Variants in PCDH15 observed in about 807,000 individuals in gnomAD.
PCDH15 encodes protocadherin-15.
PCDH15 carries 129 observed loss-of-function variants against 178.5 expected under a neutral mutation model. The observed-to-expected ratio is 0.72, with a 90% CI of 0.63 to 0.84. The LOEUF (loss-of-function observed/expected upper bound fraction) is 0.84. Ranked by LOEUF, PCDH15 falls within the 40% of genes least tolerant of loss-of-function variation. PCDH15 has a pLI of 0.00. For missense variants in PCDH15, 2,230 were observed against 2,099.9 expected (o/e 1.06, Z -1.21); for synonymous variants, 800 against 732.0 (o/e 1.09, Z -1.50).
At chr10:55,052,090 ATT>A (rs760975471) in intron 2 of PCDH15, among the ~76,000 whole-genome samples, 10 of 142,400 alleles carry the variant, frequency 7.0e-5, no homozygotes, top group Admixed American at 1.4e-4. Flanking sequence ...AATCGATACG[ATT>A]TTTTTTTTTT....
chr10:55,130,680 CGTGTGTGTGTGTGT>C lies in PCDH15; in HGVS notation c.-80+35882_-80+35895del, dbSNP rs72055158. Among the ~76,000 whole-genome samples, 299 of 146,332 alleles carry C rather than the reference CGTGTGTGTGTGTGT, an allele frequency of 2.0e-3. 1 individual carries two copies. Among genetic ancestry groups the C allele is most frequent in the East Asian group, 6.9e-3 (33 of 4,812 alleles). Reference sequence around the variant, plus strand: ...CTTAACATGTATAAACACACATACACGTGTGTGTGTGTGTGTGTGTGTGTGTGTGTGTGTGTGTG... The same window carrying C: ...CTTAACATGTATAAACACACATACACGTGTGTGTGTGTGTGTGTGTGTGTG... On this transcript the variant is annotated intron_variant, in intron 2 of 5. Coordinates refer to the PCDH15 transcript ENST00000458638.
intron 2 of PCDH15, among the ~76,000 whole-genome samples, chr10:54,920,071 C>T (rs967338882): frequency 1.3e-5 from 2 of 152,144 alleles, no homozygotes; most frequent in African/African-American, 4.8e-5. Flanking sequence ...CTATACTCCT[C>T]TCGTTTTGAG....
intron 2 of PCDH15, among the ~76,000 whole-genome samples, chr10:55,043,737 A>C (rs1159413094): frequency 6.9e-6 from 1 of 144,670 alleles, no homozygotes; most frequent in Admixed American, 6.8e-5. Context: ...TAAATAAATA[A>C]ATAAAATAAA....
At chr10:55,392,275 G>A (rs1309515010) in intron 2 of PCDH15, among the ~76,000 whole-genome samples, 3 of 152,210 alleles carry the variant, frequency 2.0e-5, no homozygotes, top group Non-Finnish European at 4.4e-5. Context: ...GGTGGTGATA[G>A]ACTTGCTAAA....
intron 2 of PCDH15, among the ~76,000 whole-genome samples, chr10:54,932,493 C>T (rs887079775): frequency 1.3e-5 from 2 of 152,052 alleles, no homozygotes; most frequent in Non-Finnish European, 2.9e-5. Context: ...TTATAATATG[C>T]TAAGGTTAAT....
intron 25 of PCDH15, among the ~76,000 whole-genome samples, chr10:53,922,815 G>A (rs983906698): frequency 1.3e-5 from 2 of 152,146 alleles, no homozygotes; most frequent in African/African-American, 4.8e-5. Flanking sequence ...GGTCAGGTGT[G>A]GTGGCTCGTG....
intron 21 of PCDH15, among the ~76,000 whole-genome samples, chr10:53,971,063 G>C (rs2089630545): frequency 6.6e-6 from 1 of 152,108 alleles, no homozygotes; most frequent in South Asian, 2.1e-4. Context: ...ACCAAATCCA[G>C]CAGCACATCA....
chr10:54,800,886 AT>A (rs1346286894), intron 1 of PCDH15, 38 bp downstream of exon 1: 1 of 152,176 alleles, frequency 6.6e-6, no homozygotes, highest in East Asian at 1.9e-4. Context: ...GCTGCCTTAA[AT>A]TTGAAAAAAA....
intron 3 of PCDH15, among the ~76,000 whole-genome samples, chr10:54,815,223 A>C (rs1952929924): frequency 1.3e-5 from 2 of 152,068 alleles, no homozygotes; most frequent in South Asian, 4.1e-4. Context: ...TTAAGAAAAA[A>C]GTATGGCATG....
intron 26 of PCDH15, among the ~76,000 whole-genome samples, chr10:53,870,887 C>T (rs1230810822): frequency 6.6e-6 from 1 of 152,110 alleles, no homozygotes; most frequent in Non-Finnish European, 1.5e-5. Flanking sequence ...AGTTTTAAAT[C>T]TGGGTCAATA....
chr10:54,917,150 T>A (rs1378273434), intron 2 of PCDH15, among the ~76,000 whole-genome samples: 1 of 152,170 alleles, frequency 6.6e-6, no homozygotes, highest in African/African-American at 2.4e-5. Flanking sequence ...AAAATGCATT[T>A]GGCTAGAACA....
intron 3 of PCDH15, among the ~76,000 whole-genome samples, chr10:54,519,548 C>T (rs1254014361): frequency 6.6e-6 from 1 of 152,024 alleles, no homozygotes; most frequent in African/African-American, 2.4e-5. Flanking sequence ...AACCACTGCT[C>T]AATGAAATAA....
chr10:55,170,006 AGG>A (rs1839289736), intron 1 of PCDH15, among the ~76,000 whole-genome samples: 1 of 152,036 alleles, frequency 6.6e-6, no homozygotes, highest in Non-Finnish European at 1.5e-5. Context: ...GAAGGAAGGA[AGG>A]AAAGGAGGAG....
intron 8 of PCDH15, among the ~76,000 whole-genome samples, chr10:54,272,015 T>C (rs1276494515): frequency 1.4e-5 from 2 of 144,034 alleles, no homozygotes; most frequent in East Asian, 3.9e-4. Flanking sequence ...ATATCATATA[T>C]ATATATTTTA....
chr10:54,280,819 CTATAAA>C (rs1377781905), intron 8 of PCDH15, among the ~76,000 whole-genome samples: 10 of 151,674 alleles, frequency 6.6e-5, no homozygotes, highest in African/African-American at 2.2e-4. Context: ...TTTTGCTGGC[CTATAAA>C]TATAACACAT....
intron 1 of PCDH15, among the ~76,000 whole-genome samples, chr10:54,738,127 CA>C (rs1322953848): frequency 1.3e-5 from 2 of 151,908 alleles, no homozygotes; most frequent in Admixed American, 1.3e-4. Flanking sequence ...AGGATGATGC[CA>C]AAGAGTTAAG....
At chr10:55,568,743 T>A (rs1295042664) in intron 2 of PCDH15, among the ~76,000 whole-genome samples, 3 of 152,032 alleles carry the variant, frequency 2.0e-5, no homozygotes, top group Non-Finnish European at 4.4e-5. Flanking sequence ...ACTCAGAAGT[T>A]GGAACAGAAA....
At chr10:54,401,587 A>C (rs113543301) in intron 3 of PCDH15, among the ~76,000 whole-genome samples, 3,981 of 151,890 alleles carry the variant, frequency 0.026, 165 homozygotes, top group African/African-American at 0.089. Context: ...AACAAGGAAA[A>C]AAGCAAAAAA....
chr10:53,966,430 T>C (rs375713628), intron 21 of PCDH15, among the ~76,000 whole-genome samples: 1 of 152,300 alleles, frequency 6.6e-6, no homozygotes, highest in East Asian at 1.9e-4. Context: ...TTGCTTTCCC[T>C]TCCTCCCTCC....
Sources: gnomAD v4.1 joint callset for allele counts (sites outside exome capture counted in the v4.1 genomes callset) on GRCh38, gnomAD v4.1.1 for gene constraint, MANE v1.5 for transcripts, NCBI Gene and HGNC (gene_info 2026-07-23, HGNC 2026-07-21) for gene names.